EVC: variants seen among roughly 807,000 people sequenced by gnomAD.
EVC encodes EvC ciliary complex subunit 1.
Under a neutral mutation model 118.9 loss-of-function variants are expected in EVC, and 116 were observed. The observed-to-expected ratio is 0.98, with a 90% CI of 0.84 to 1.14. EVC has a LOEUF of 1.14. EVC is among the 50% of genes most tolerant of loss of function. The probability of loss-of-function intolerance (pLI) is 0.00; values close to 1 mark genes in which losing one functional copy is unlikely to be tolerated. For synonymous variants in EVC, 619 were observed against 534.7 expected (o/e 1.16, Z -2.18); for missense variants, 1,401 against 1,246.4 (o/e 1.12, Z -1.87).
At chr4:5,800,362 CAAAA>C (rs994918437) in intron 15 of EVC, among the ~76,000 whole-genome samples, 6 of 152,024 alleles carry the variant, frequency 3.9e-5, no homozygotes, top group South Asian at 2.1e-4. Context: ...AACAAACAAA[CAAAA>C]AACAGAAAAG....
intron 11 of EVC, among the ~76,000 whole-genome samples, chr4:5,770,740 T>C (rs1240062136): frequency 6.6e-6 from 1 of 152,004 alleles, no homozygotes. Context: ...GCTGGGAGTG[T>C]TGGCTAACAC....
rs926251888 is a variant in EVC, at chr4:5,813,144, G to A, written c.*2107G>A. 2.6e-5 allele frequency: 4 copies of A among 152,176 alleles called. No individual in the cohort carries two copies. Among genetic ancestry groups the A allele is most frequent in the African/African-American group, 9.7e-5 (4 of 41,416 alleles). The allele number at this position is 152,176 out of a possible 1,614,324, so 9.4% of individuals were successfully genotyped here. A position where few individuals can be genotyped will look rare whatever the true frequency, so the allele number is the denominator to read the frequency against. Reference sequence around the variant, plus strand: ...AGTTAACCAACAGCTCCCTCTTGTGGTTCACTAAAAAACTTGGTTATTCCA... The same window carrying A: ...AGTTAACCAACAGCTCCCTCTTGTGATTCACTAAAAAACTTGGTTATTCCA... On this transcript the variant is annotated 3_prime_UTR_variant, in exon 21 of 21. Transcript: ENST00000264956.
At chr4:5,799,729 CT>C (rs1714633330) in intron 15 of EVC, among the ~76,000 whole-genome samples, 2 of 152,224 alleles carry the variant, frequency 1.3e-5, no homozygotes, top group African/African-American at 4.8e-5. Context: ...CAAGGGGTTC[CT>C]TTCATCTCAG....
chr4:5,803,160 A>T (rs1715312529), intron 16 of EVC, among the ~76,000 whole-genome samples: 1 of 152,230 alleles, frequency 6.6e-6, no homozygotes, highest in Non-Finnish European at 1.5e-5. Flanking sequence ...AATTTCTTAA[A>T]TGCCACTTCT....
chr4:5,815,207 C>A (rs530773236), downstream of EVC, among the ~76,000 whole-genome samples: 1 of 152,038 alleles, frequency 6.6e-6, no homozygotes, highest in Admixed American at 6.6e-5. Flanking sequence ...AGCCCACTCC[C>A]GGGTCTCGGT....
rs1191617444 is a variant in EVC, at chr4:5,797,061, G to A, written c.1926G>A (p.Leu642=). Residue 642 remains leucine (L), a synonymous_variant, in exon 14 of 21, where the codon TTG becomes TTA. Coordinates refer to ENST00000264956, the MANE Select transcript of EVC (RefSeq NM_153717.3). The part of the protein sequence containing the change: ...RCVLQGHDLL[L]RSALRRLALR... ...TCCTGCAGGGGCATGACCTGCTGTT[G>A]CGCTCAGCCCTCCGGAGGCTGGCAC... is the stretch of plus-strand genomic sequence containing the variant. 2.5e-6 allele frequency: 4 copies of A among 1,613,416 alleles called. No homozygotes were observed. The highest frequency in any genetic ancestry group is 3.4e-6 in the Non-Finnish European group (4 of 1,180,002).
intron 17 of EVC, among the ~76,000 whole-genome samples, chr4:5,806,056 T>C (rs1715853800): frequency 6.6e-6 from 1 of 151,850 alleles, no homozygotes; most frequent in Non-Finnish European, 1.5e-5. Context: ...GCCGCCCTTC[T>C]GTGTCTCTGT....
chr4:5,799,575 G>A (rs754057016), intron 15 of EVC, among the ~76,000 whole-genome samples: 1 of 152,138 alleles, frequency 6.6e-6, no homozygotes, highest in African/African-American at 2.4e-5. Context: ...GTAAGGAGAG[G>A]TAGGGCACCC....
intron 11 of EVC, among the ~76,000 whole-genome samples, chr4:5,774,758 G>A (rs556615168): frequency 1.3e-5 from 2 of 152,132 alleles, no homozygotes; most frequent in Admixed American, 1.3e-4. Context: ...CTCAGGGCCA[G>A]CTTCTATTCC....
At chr4:5,801,232 G>A (rs1412595081) in intron 15 of EVC, among the ~76,000 whole-genome samples, 5 of 152,152 alleles carry the variant, frequency 3.3e-5, no homozygotes, top group Admixed American at 2.6e-4. Flanking sequence ...CGAGGACGAG[G>A]GTCTTTGTTT....
At chr4:5,825,243 T>G in the EVC span, 1 of 985,218 alleles carries the variant, frequency 1.0e-6, no homozygotes, top group African/African-American at 1.7e-5. This position sits in a 1 kb window ranked among gnomAD's most constrained non-coding sequence, Gnocchi z 4.4. Flanking sequence ...TGGGACAATT[T>G]TGGTACCTCT....
In EVC at chr4:5,729,384, G is replaced by T; in HGVS notation, c.378G>T (p.Lys126Asn). Reference sequence around the variant, plus strand: ...AAGTCATCTACCCCATCAATCAGAAGTTCCGGGTGAGAGTCCTGAGCTCCA... The same window carrying T: ...AAGTCATCTACCCCATCAATCAGAATTTCCGGGTGAGAGTCCTGAGCTCCA... The part of the protein sequence containing the change: ...KAKVIYPINQ[K>N]FRPLADGSSN... The change falls in exon 3 of 21, where the codon AAG becomes AAT. Residue 126 changes from lysine to asparagine, a missense_variant. By Grantham distance (94) the Lys-to-Asn change is moderately conservative (BLOSUM62 0). Coordinates refer to ENST00000264956, the MANE Select transcript of EVC (RefSeq NM_153717.3). 1 of 1,614,056 alleles carries T rather than the reference G, an allele frequency of 6.2e-7. No individual in the cohort carries two copies. The highest frequency in any genetic ancestry group is 8.5e-7 in the Non-Finnish European group (1 of 1,179,956).
At chr4:5,718,355 A>G (rs1006140420) in intron 1 of EVC, among the ~76,000 whole-genome samples, 1 of 152,192 alleles carries the variant, frequency 6.6e-6, no homozygotes, top group Admixed American at 6.5e-5. Flanking sequence ...ACTCACAGAC[A>G]TCAGCTCTGT....
At chr4:5,822,228 T>C in the EVC span, among the ~76,000 whole-genome samples, 7 of 152,214 alleles carry the variant, frequency 4.6e-5, no homozygotes, top group South Asian at 2.1e-4. Flanking sequence ...AAGGGGGTGT[T>C]TGTACTCCCA....
intron 11 of EVC, chr4:5,757,942 T>C: frequency 1.6e-6 from 1 of 610,520 alleles, no homozygotes; most frequent in South Asian, 2.0e-5. Context: ...CTTCAAAACG[T>C]CATGTCCATC....
chr4:5,735,565 G>GCTGGCA (rs1480620525), intron 5 of EVC, among the ~76,000 whole-genome samples: 2 of 152,200 alleles, frequency 1.3e-5, no homozygotes, highest in Non-Finnish European at 1.5e-5. Flanking sequence ...GGCTGGCATG[G>GCTGGCA]TCACAGCAGT....
chr4:5,741,859 T>C (rs1728641000), intron 6 of EVC, 45 bp downstream of exon 6: 2 of 1,031,464 alleles, frequency 1.9e-6, no homozygotes, highest in Non-Finnish European at 2.9e-6. Context: ...AAATAGTTTA[T>C]TATAATATAT....
intron 11 of EVC, among the ~76,000 whole-genome samples, chr4:5,759,979 A>G (rs1381771944): frequency 1.3e-5 from 2 of 151,634 alleles, no homozygotes; most frequent in African/African-American, 4.9e-5. Context: ...AAGCAAAGAC[A>G]GGAAGACTCC....
At chr4:5,765,999 C>T (rs553969891) in intron 11 of EVC, among the ~76,000 whole-genome samples, 2,039 of 132,176 alleles carry the variant, frequency 0.015, 110 homozygotes, top group African/African-American at 0.056. Flanking sequence ...TTCCTAGTCT[C>T]GATGGTCTTT....
Sources: gnomAD v4.1 joint callset for allele counts (sites outside exome capture counted in the v4.1 genomes callset) on GRCh38, gnomAD v4.1.1 for gene constraint, Gnocchi (gnomAD v3.1) non-coding constraint, MANE v1.5 for transcripts, NCBI Gene and HGNC (gene_info 2026-07-23, HGNC 2026-07-21) for gene names.